RABGAP1: variants seen among roughly 807,000 people sequenced by gnomAD.
RABGAP1 encodes the protein RAB GTPase activating protein 1.
RABGAP1 carries 23 observed loss-of-function variants against 137.6 expected under a neutral mutation model. The ratio of observed to expected loss-of-function variants is 0.17; its 90% CI spans 0.12 to 0.24. The LOEUF is 0.24. RABGAP1 is among the 10% of genes least tolerant of loss of function. The pLI is 1.00. For missense variants in RABGAP1, 906 were observed against 1,275.8 expected (o/e 0.71, Z 4.42); for synonymous variants, 451 against 450.7 (o/e 1.00, Z -0.01).
Position 122,957,085 on chromosome 9 carries a change from A to G in RABGAP1, c.26A>G (p.Lys9Arg). The change falls in exon 2 of 26, where the codon AAA becomes AGA. Residue 9 changes from lysine to arginine, a missense_variant. By Grantham distance (26) the Lys-to-Arg change is conservative. Coordinates refer to ENST00000373647, the MANE Select transcript of RABGAP1 (RefSeq NM_012197.4). Reference protein sequence around the residue: MDDKASVGKISVSSDSVST... With the variant: MDDKASVGRISVSSDSVST... Reference sequence around the variant, plus strand: ...ATGGATGACAAGGCTTCTGTTGGAAAAATCAGTGTCTCTTCAGACTCAGTA... The same window carrying G: ...ATGGATGACAAGGCTTCTGTTGGAAGAATCAGTGTCTCTTCAGACTCAGTA... 2.0e-6 allele frequency: 3 copies of G among 1,527,032 alleles called. No homozygotes were observed. Among genetic ancestry groups the G allele is most frequent in the East Asian group, 2.3e-5 (1 of 43,722 alleles). 94.6% of individuals were successfully genotyped at this position (1,527,032 alleles called of 1,614,324 possible).
In RABGAP1 at chr9:122,989,452, G is replaced by A. The variant is rs1164780493; in HGVS notation, c.746G>A (p.Arg249Gln). Residue 249 changes from arginine (R) to glutamine (Q), a missense_variant, in exon 5 of 26, where the codon CGG (arginine) becomes CAG (glutamine). Physicochemically the swap from Arg to Gln is conservative, Grantham distance 43. Coordinates refer to ENST00000373647, the MANE Select transcript of RABGAP1 (RefSeq NM_012197.4). ...NAELFRIHVF[R>Q]CEIQEAVSRI... Reference sequence around the variant, plus strand: ...GAGCTCTTCAGAATACACGTCTTCCGGTGTGAAATACAAGAAGCTGTAAGT... The same window carrying A: ...GAGCTCTTCAGAATACACGTCTTCCAGTGTGAAATACAAGAAGCTGTAAGT... The A allele has an allele frequency of 9.9e-6, 16 of 1,613,744 alleles. No individual in the cohort carries two copies. Among genetic ancestry groups the A allele is most frequent in the Admixed American group, 3.3e-5 (2 of 59,966 alleles).
chr9:123,036,789 A>G (rs1389816853), intron 13 of RABGAP1, among the ~76,000 whole-genome samples: 1 of 151,902 alleles, frequency 6.6e-6, no homozygotes, highest in Non-Finnish European at 1.5e-5. Context: ...TGGAAAAAAA[A>G]TCCTTTGGCA....
chr9:123,090,355 C>T lies in RABGAP1; in HGVS notation c.2598C>T (p.Ser866=). The T allele has an allele frequency of 6.2e-7, 1 of 1,612,876 alleles. No individual in the cohort carries two copies. Among genetic ancestry groups the T allele is most frequent in the Non-Finnish European group, 8.5e-7 (1 of 1,179,442 alleles). Reference sequence around the variant, plus strand: ...ACTTAGCCCATGAGCTGGTGACCAGCAAGATTGCACTACGGAAGGACCTGG... The same window carrying T: ...ACTTAGCCCATGAGCTGGTGACCAGTAAGATTGCACTACGGAAGGACCTGG... ...NDDLAHELVT[S]KIALRKDLDN... Residue 866 remains serine (S), a synonymous_variant, in exon 21 of 26, where the codon AGC becomes AGT. Transcript: ENST00000373647.
chr9:122,997,157 C>A, intron 8 of RABGAP1, 102 bp from the exon 9 acceptor site: 1 of 778,544 alleles, frequency 1.3e-6, no homozygotes, highest in South Asian at 1.8e-5. Flanking sequence ...CTTCCATATT[C>A]TTATATTTTT....
At chr9:123,067,592 TCA>T (rs1317216971) in intron 14 of RABGAP1, among the ~76,000 whole-genome samples, 1 of 152,224 alleles carries the variant, frequency 6.6e-6, no homozygotes, top group African/African-American at 2.4e-5. Context: ...ATTGAACTTC[TCA>T]CTGTGCTCTG....
chr9:123,049,157 T>C (rs944553782), intron 13 of RABGAP1, among the ~76,000 whole-genome samples: 1 of 151,386 alleles, frequency 6.6e-6, no homozygotes, highest in South Asian at 2.1e-4. Context: ...AATACTTATA[T>C]AATCATTCAG....
rs2132160254 is a variant in RABGAP1, at chr9:123,076,659, C to T, written c.2321C>T (p.Thr774Ile). ...ACTTCGAAAGATGACCTGCTGTTGACAGACTTTGAAGGTGCCTTGAAGTTC... is the reference window on the plus strand; with the variant it reads ...ACTTCGAAAGATGACCTGCTGTTGATAGACTTTGAAGGTGCCTTGAAGTTC... The part of the protein sequence containing the change: ...LKTSKDDLLL[T>I]DFEGALKFFR... Residue 774 changes from threonine to isoleucine, a missense_variant, in exon 19 of 26, where the codon ACA (threonine) becomes ATA (isoleucine). Transcript: ENST00000373647. 1.9e-6 allele frequency: 3 copies of T among 1,602,348 alleles called. No individual in the cohort carries two copies. The East Asian group carries it at 6.8e-5, about 36-fold the overall frequency.
chr9:123,088,847 A>G (rs989733906), intron 19 of RABGAP1, among the ~76,000 whole-genome samples: 1 of 152,268 alleles, frequency 6.6e-6, no homozygotes, highest in African/African-American at 2.4e-5. Context: ...AAGAAAGCAG[A>G]GAAGATTGGT....
intron 19 of RABGAP1, among the ~76,000 whole-genome samples, chr9:123,077,624 G>A (rs780562091): frequency 2.2e-5 from 2 of 90,944 alleles, no homozygotes; most frequent in Non-Finnish European, 4.5e-5. Flanking sequence ...GTATTGTATT[G>A]TATTGTATTG....
At chr9:123,008,448 G>A (rs952418386) in intron 10 of RABGAP1, among the ~76,000 whole-genome samples, 1 of 150,722 alleles carries the variant, frequency 6.6e-6, no homozygotes, top group African/African-American at 2.4e-5. Context: ...GGGAGGCTGA[G>A]ACAGGAGAAT....
intron 13 of RABGAP1, among the ~76,000 whole-genome samples, chr9:123,042,580 A>G (rs2033004024): frequency 6.6e-6 from 1 of 152,238 alleles, no homozygotes; most frequent in Non-Finnish European, 1.5e-5. Flanking sequence ...AATTTAAAGT[A>G]TAATAATTTT....
chr9:123,061,836 CTGTT>C, intron 13 of RABGAP1: 1 of 152,324 alleles, frequency 6.6e-6, no homozygotes, highest in East Asian at 1.9e-4. Flanking sequence ...AAAAACTTGT[CTGTT>C]AAGCCATTAT....
intron 11 of RABGAP1, among the ~76,000 whole-genome samples, chr9:123,014,334 C>A (rs764656633): frequency 2.4e-4 from 37 of 152,140 alleles, no homozygotes; most frequent in African/African-American, 7.2e-4. Context: ...TTTAATTTGG[C>A]CTTTTAAAGT....
In RABGAP1 at chr9:122,989,441, A is replaced by G; in HGVS notation, c.735A>G (p.Ile245Met). 1 of 1,614,064 alleles carries G rather than the reference A, an allele frequency of 6.2e-7. No homozygotes were observed. The highest frequency in any genetic ancestry group is 1.1e-5 in the South Asian group (1 of 91,082). ...ATTACAATGCAGAGCTCTTCAGAAT[A>G]CACGTCTTCCGGTGTGAAATACAAG... is the stretch of plus-strand genomic sequence containing the variant. ...ESHYNAELFRIHVFRCEIQEA... is the reference protein window; with the variant it reads ...ESHYNAELFRMHVFRCEIQEA... The change falls in exon 5 of 26, where the codon ATA (isoleucine) becomes ATG (methionine). Residue 245 changes from isoleucine (I) to methionine (M), a missense_variant. By Grantham distance (10) the Ile-to-Met change is conservative (BLOSUM62 1). This residue lies in a region of RABGAP1 where 331 missense variants were observed against 358.3 expected (regional missense o/e 0.92). Coordinates refer to ENST00000373647, the MANE Select transcript of RABGAP1 (RefSeq NM_012197.4).
intron 1 of RABGAP1, among the ~76,000 whole-genome samples, chr9:122,944,436 C>G (rs1474759653): frequency 6.6e-6 from 1 of 152,110 alleles, no homozygotes; most frequent in Non-Finnish European, 1.5e-5. Context: ...CACTGTGTGG[C>G]CCAAGCTGTT....
At chr9:122,977,827 G>T (rs1340743706) in intron 2 of RABGAP1, among the ~76,000 whole-genome samples, 2 of 152,162 alleles carry the variant, frequency 1.3e-5, no homozygotes, top group African/African-American at 4.8e-5. Context: ...TGTAGATAGA[G>T]ATTTGAGATT....
chr9:123,004,878 G>A (rs1008053384), intron 10 of RABGAP1, among the ~76,000 whole-genome samples: 2 of 151,740 alleles, frequency 1.3e-5, no homozygotes, highest in East Asian at 3.9e-4. Context: ...CCAACATGGC[G>A]AAACCCTGTC....
chr9:122,980,158 G>A (rs1835970225), intron 2 of RABGAP1, among the ~76,000 whole-genome samples: 1 of 152,204 alleles, frequency 6.6e-6, no homozygotes, highest in Non-Finnish European at 1.5e-5. Context: ...TTGAGTAGCT[G>A]CAAGAGAGAC....
chr9:122,986,508 ATTAATAG>A, intron 4 of RABGAP1, 89 bp downstream of exon 4: 1 of 1,306,932 alleles, frequency 7.7e-7, no homozygotes, highest in Non-Finnish European at 1.1e-6. Context: ...TAAAATACAT[ATTAATAG>A]TTATTTTACT....
Sources: allele counts gnomAD v4.1 joint callset (sites outside exome capture counted in the v4.1 genomes callset), GRCh38; gene constraint gnomAD v4.1.1; regional missense constraint gnomAD v4.1.1; transcripts MANE v1.5; gene names NCBI Gene and HGNC (gene_info 2026-07-23, HGNC 2026-07-21).